CIBAR1: variants seen among roughly 807,000 people sequenced by gnomAD.
CIBAR1 encodes CBY1 interacting BAR domain containing 1.
In CIBAR1, 25 loss-of-function variants were observed where a neutral mutation model predicts 44.0. The observed-to-expected ratio is 0.57, with a 90% CI of 0.41 to 0.79. CIBAR1 has a LOEUF of 0.79. CIBAR1 is among the 30% of genes least tolerant of loss of function. The pLI is 0.00. For synonymous variants in CIBAR1, 115 were observed against 119.0 expected (o/e 0.97, Z 0.22); for missense variants, 278 against 344.8 (o/e 0.81, Z 1.53).
Position 93,701,987 on chromosome 8 carries a change from T to C in CIBAR1, c.261+529T>C, listed in dbSNP as rs1810379471. ...ACCAATACTGAGACACCGTGTGGACTTTTTGCTCTGGGTAGCAGGAGAAGT... is the reference window on the plus strand; with the variant it reads ...ACCAATACTGAGACACCGTGTGGACCTTTTGCTCTGGGTAGCAGGAGAAGT... On this transcript the variant is annotated intron_variant, in intron 2 of 8. Transcript: ENST00000518322. 2.7e-5 allele frequency: 6 copies of C among 218,812 alleles called. No individual in the cohort carries two copies. In the South Asian group the frequency reaches 3.9e-4, roughly 14 times the overall value. The allele number at this position is 218,812 out of a possible 1,614,324, so 13.6% of individuals were successfully genotyped here. A position where few individuals can be genotyped will look rare whatever the true frequency, so the allele number is the denominator to read the frequency against.
intron 5 of CIBAR1, 27 bp from the exon 6 acceptor site, chr8:93,709,744 A>G (rs370173587): frequency 6.3e-7 from 1 of 1,587,670 alleles, no homozygotes. Context: ...TTTTTTTTAT[A>G]TCCTTGGTTG....
At chr8:93,707,890 A>G in intron 4 of CIBAR1, 121 bp from the exon 5 acceptor site, 1 of 551,736 alleles carries the variant, frequency 1.8e-6, no homozygotes, top group African/African-American at 1.9e-5. Context: ...TAATTGATAT[A>G]TGGTTACAAT....
chr8:93,701,017 G>A, intron 1 of CIBAR1: 2 of 1,427,726 alleles, frequency 1.4e-6, no homozygotes, highest in Non-Finnish European at 1.8e-6. Flanking sequence ...GGCCCACCCG[G>A]CCTGGGCCTT....
intron 7 of CIBAR1, among the ~76,000 whole-genome samples, chr8:93,723,275 C>T (rs966723782): frequency 1.2e-4 from 19 of 152,184 alleles, no homozygotes; most frequent in Admixed American, 4.6e-4. Flanking sequence ...GGACTGCAGG[C>T]GTGAGCCACG....
chr8:93,716,983 C>G (rs2914941), intron 6 of CIBAR1, among the ~76,000 whole-genome samples: 94,758 of 152,048 alleles, frequency 0.62, 30,272 homozygotes, highest in South Asian at 0.72. Context: ...GGATGCTTTA[C>G]TGTTAGTCAT....
In CIBAR1 at chr8:93,709,772, C is replaced by T. The variant is rs748586181; in HGVS notation, c.440C>T (p.Ala147Val). The T allele has an allele frequency of 6.2e-7, 1 of 1,612,088 alleles. No homozygotes were observed. Among genetic ancestry groups the T allele is most frequent in the Non-Finnish European group, 8.5e-7 (1 of 1,179,030 alleles). Residue 147 changes from alanine (A) to valine (V), a missense_variant and splice_region_variant, in exon 6 of 9, where the codon GCA becomes GTA. By Grantham distance (64) the Ala-to-Val change is moderately conservative (BLOSUM62 0). Coordinates refer to ENST00000518322, the MANE Select transcript of CIBAR1 (RefSeq NM_145269.5). Reference sequence around the variant, plus strand: ...CTTGGTTGGGGAATACTTTTGTAGGCAGAAACGGAATTACAGAGAGCTGCA... The same window carrying T: ...CTTGGTTGGGGAATACTTTTGTAGGTAGAAACGGAATTACAGAGAGCTGCA... ...NPSDRHVISQ[A>V]ETELQRAAMD...
At chr8:93,702,136 G>C (rs1810386557) in intron 2 of CIBAR1, 1 of 334,978 alleles carries the variant, frequency 3.0e-6, no homozygotes, top group Admixed American at 3.8e-5. Flanking sequence ...TGCCCAGTTA[G>C]AACTGCGTTG....
chr8:93,726,685 C>T lies in CIBAR1; in HGVS notation c.777+172C>T. Reference sequence around the variant, plus strand: ...TGCATTAAGTGCAGCTCTATTATTTCTTAATTATCTTTTATACTGTAATTA... The same window carrying T: ...TGCATTAAGTGCAGCTCTATTATTTTTTAATTATCTTTTATACTGTAATTA... On this transcript the variant is annotated intron_variant, in intron 8 of 8. Coordinates refer to ENST00000518322, the MANE Select transcript of CIBAR1 (RefSeq NM_145269.5). The T allele has an allele frequency of 8.7e-6, 6 of 691,246 alleles. No individual in the cohort carries two copies. In the South Asian group the frequency reaches 1.0e-4, roughly 12 times the overall value. The allele number at this position is 691,246 out of a possible 1,614,324, so 42.8% of individuals were successfully genotyped here.
intron 7 of CIBAR1, chr8:93,719,785 A>C (rs1396161527): frequency 2.0e-5 from 3 of 152,156 alleles, no homozygotes; most frequent in Non-Finnish European, 2.9e-5. Flanking sequence ...CTTACCTTCC[A>C]AACGGAAAAA....
chr8:93,718,820 CT>C, intron 7 of CIBAR1, 32 bp downstream of exon 7: 1 of 1,232,298 alleles, frequency 8.1e-7, no homozygotes, highest in Non-Finnish European at 1.1e-6. Context: ...CTCAGTTCTT[CT>C]GTTAATGTGG....
intron 6 of CIBAR1, among the ~76,000 whole-genome samples, chr8:93,711,452 G>A (rs888676227): frequency 6.6e-6 from 1 of 151,936 alleles, no homozygotes; most frequent in Non-Finnish European, 1.5e-5. Flanking sequence ...GCTCAATTTA[G>A]TCACAGGCTC....
At chr8:93,708,131 T>G (rs1245228238) in intron 5 of CIBAR1, 115 bp downstream of exon 5, 1 of 670,418 alleles carries the variant, frequency 1.5e-6, no homozygotes, top group Non-Finnish European at 2.3e-6. Flanking sequence ...ACAGTATTAC[T>G]TATCACAGAA....
rs770148511 is a variant in CIBAR1, at chr8:93,726,532, T to C, written c.777+19T>C. 1.2e-6 allele frequency: 2 copies of C among 1,612,140 alleles called. No homozygotes were observed. Among genetic ancestry groups the C allele is most frequent in the Non-Finnish European group, 8.5e-7 (1 of 1,178,844 alleles). On this transcript the variant is annotated intron_variant, in intron 8 of 8. Transcript: ENST00000518322. ...AGGACAGGTGAGCAAGAAACCGTAC[T>C]CTAAAGGAATTTGAGCTGCTGCCTT...
At chr8:93,707,265 T>C (rs762437819) in intron 4 of CIBAR1, 1 of 424,066 alleles carries the variant, frequency 2.4e-6, no homozygotes, top group South Asian at 1.8e-5. Flanking sequence ...TTGCTAAAAA[T>C]GGATGTGTTA....
In CIBAR1 at chr8:93,708,019, G is replaced by T; in HGVS notation, c.438+3G>T. 1 of 1,565,932 alleles carries T rather than the reference G, an allele frequency of 6.4e-7. No homozygotes were observed. Among genetic ancestry groups the T allele is most frequent in the East Asian group, 2.3e-5 (1 of 44,100 alleles). On this transcript the variant is annotated splice_donor_region_variant and intron_variant, in intron 5 of 8. Transcript: ENST00000518322. ...TTTATGAAAAATTTCAGTCACAGGT[G>T]GGTAATAAAGTGGTGTGTCAAGAAA...
At chr8:93,720,937 A>G (rs540886457) in intron 7 of CIBAR1, 1 of 152,304 alleles carries the variant, frequency 6.6e-6, no homozygotes, top group South Asian at 2.1e-4. Flanking sequence ...AAACGTTTAT[A>G]TAATTACTTT....
At chr8:93,708,066 TTTAC>T in intron 5 of CIBAR1, 50 bp downstream of exon 5, 1 of 1,390,474 alleles carries the variant, frequency 7.2e-7, no homozygotes, top group Non-Finnish European at 9.7e-7. Context: ...AGTAAACCCT[TTTAC>T]TTGTTTCAAT....
At chr8:93,707,714 TG>T (rs1810654260) in intron 4 of CIBAR1, among the ~76,000 whole-genome samples, 1 of 152,194 alleles carries the variant, frequency 6.6e-6, no homozygotes, top group African/African-American at 2.4e-5. Context: ...GAAATGTTTT[TG>T]ATTCCTGGTT....
At chr8:93,703,775 A>G (rs1001792763) in intron 3 of CIBAR1, 87 bp downstream of exon 3, 9 of 1,168,322 alleles carry the variant, frequency 7.7e-6, no homozygotes, top group East Asian at 5.4e-5. Context: ...TAAGAAATAC[A>G]AAGTAGTGGC....
Sources: allele counts gnomAD v4.1 joint callset (sites outside exome capture counted in the v4.1 genomes callset), GRCh38; gene constraint gnomAD v4.1.1; transcripts MANE v1.5; gene names NCBI Gene and HGNC (gene_info 2026-07-23, HGNC 2026-07-21).